DOCK3: variants seen among roughly 807,000 people sequenced by gnomAD.
DOCK3 encodes dedicator of cytokinesis 3.
A neutral mutation model predicts 265.6 loss-of-function variants in DOCK3; 60 were observed. The ratio of observed to expected loss-of-function variants is 0.23; its 90% confidence interval spans 0.18 to 0.28. DOCK3 has a LOEUF of 0.28. DOCK3 is among the 10% of genes least tolerant of loss of function. DOCK3 has a pLI of 1.00. For synonymous variants in DOCK3, 881 were observed against 938.0 expected (o/e 0.94, Z 1.11); for missense variants, 1,981 against 2,594.3 (o/e 0.76, Z 5.14).
rs1329224770 is a variant in DOCK3, at chr3:51,064,520, C to G, written c.388C>G (p.Leu130Val). 6.2e-7 allele frequency: 1 copy of G among 1,614,032 alleles called. No individual in the cohort carries two copies. The change falls in exon 6 of 53, where the codon CTG becomes GTG. Residue 130 changes from leucine to valine, a missense_variant. By Grantham distance (32) the Leu-to-Val change is conservative. Coordinates refer to ENST00000266037, the MANE Select transcript of DOCK3 (RefSeq NM_004947.5). ...NELIDLRRQL[L>V]SGHLTQDQVR... ...ACTTATTGACCTGCGAAGGCAGCTA[C>G]TGTCTGGTCACCTGACTCAGGATCA...
chr3:51,093,754 AAGG>A (rs1367032482), intron 9 of DOCK3, among the ~76,000 whole-genome samples: 1 of 152,232 alleles, frequency 6.6e-6, no homozygotes, highest in Non-Finnish European at 1.5e-5. Context: ...CCAGTTTTCA[AAGG>A]GAATGCTTCC....
At chr3:51,275,462 G>A (rs570235126) in intron 25 of DOCK3, among the ~76,000 whole-genome samples, 27 of 152,262 alleles carry the variant, frequency 1.8e-4, no homozygotes, top group Admixed American at 1.6e-3. Flanking sequence ...GTACCACAAA[G>A]CCCAATTCTG....
intron 1 of DOCK3, among the ~76,000 whole-genome samples, chr3:50,708,228 A>G (rs1303236925): frequency 6.6e-6 from 1 of 152,040 alleles, no homozygotes; most frequent in East Asian, 1.9e-4. Flanking sequence ...GCCCTTGGGA[A>G]TCCTGCTGCT....
intron 2 of DOCK3, among the ~76,000 whole-genome samples, chr3:50,791,254 C>G (rs974080613): frequency 1.3e-4 from 17 of 128,096 alleles, no homozygotes; most frequent in Non-Finnish European, 2.6e-4. Context: ...AGTGTTAAAT[C>G]TATCTTTTTT....
At chr3:51,054,558 C>G (rs935771584) in intron 5 of DOCK3, among the ~76,000 whole-genome samples, 3 of 152,152 alleles carry the variant, frequency 2.0e-5, no homozygotes, top group Non-Finnish European at 2.9e-5. Context: ...TTTCCCTCCT[C>G]TTTGTTTTCA....
At chr3:50,966,835 G>T (rs1292409979) in intron 5 of DOCK3, among the ~76,000 whole-genome samples, 3 of 152,034 alleles carry the variant, frequency 2.0e-5, no homozygotes, top group Non-Finnish European at 4.4e-5. Context: ...ACAAGCCCAG[G>T]TTGGAAACAA....
intron 21 of DOCK3, among the ~76,000 whole-genome samples, chr3:51,244,200 T>G (rs1205946223): frequency 7.0e-6 from 1 of 141,962 alleles, no homozygotes; most frequent in Non-Finnish European, 1.5e-5. Flanking sequence ...TCACTTGTGA[T>G]TCCATATTAG....
chr3:50,832,789 G>A (rs1457647339), intron 2 of DOCK3, among the ~76,000 whole-genome samples: 1 of 152,116 alleles, frequency 6.6e-6, no homozygotes, highest in Admixed American at 6.5e-5. Context: ...GCTGAATAGG[G>A]GTGGTGATAT....
At chr3:50,937,603 C>T (rs972869457) in intron 5 of DOCK3, among the ~76,000 whole-genome samples, 3 of 152,084 alleles carry the variant, frequency 2.0e-5, no homozygotes, top group African/African-American at 7.2e-5. Flanking sequence ...TTGCAGTGAG[C>T]AGAGATGACG....
chr3:51,146,569 T>A lies in DOCK3; in HGVS notation c.767T>A (p.Leu256Gln). Residue 256 changes from leucine to glutamine, a missense_variant, in exon 10 of 53, where the codon CTG becomes CAG. This residue lies in a region of DOCK3 where 456 missense variants were observed against 539.0 expected (regional missense o/e 0.85). Transcript: ENST00000266037. The part of the protein sequence containing the change: ...KQISERFLVR[L>Q]NKNGGPRNPE... ...TTCAGTGAGCGGTTTCTGGTAAGAC[T>A]GAACAAGAATGGTGGGCCGAGGAAC... 1.9e-6 allele frequency: 3 copies of A among 1,597,764 alleles called. No individual in the cohort carries two copies. Among genetic ancestry groups the A allele is most frequent in the Non-Finnish European group, 1.7e-6 (2 of 1,171,584 alleles).
intron 12 of DOCK3, among the ~76,000 whole-genome samples, chr3:51,196,553 T>C (rs1399214122): frequency 1.3e-5 from 2 of 152,196 alleles, no homozygotes; most frequent in Non-Finnish European, 2.9e-5. Flanking sequence ...TATTTAATTG[T>C]CACAAAGGCT....
intron 23 of DOCK3, among the ~76,000 whole-genome samples, chr3:51,266,961 G>T (rs62257500): frequency 1.4e-3 from 220 of 152,026 alleles, no homozygotes; most frequent in Non-Finnish European, 2.5e-3. Context: ...AATCTACAAA[G>T]AACTTAAACA....
chr3:50,693,620 C>T (rs1321726291), intron 1 of DOCK3, among the ~76,000 whole-genome samples: 2 of 140,166 alleles, frequency 1.4e-5, no homozygotes, highest in Non-Finnish European at 3.0e-5. Flanking sequence ...ACTGCAACCT[C>T]TACCTCCTGT....
At chr3:50,778,190 G>T (rs982150708) in intron 1 of DOCK3, among the ~76,000 whole-genome samples, 1 of 151,930 alleles carries the variant, frequency 6.6e-6, no homozygotes, top group African/African-American at 2.4e-5. Context: ...TTTTTCTGTT[G>T]TGCATATGCT....
intron 12 of DOCK3, among the ~76,000 whole-genome samples, chr3:51,190,673 G>A (rs552261595): frequency 6.6e-6 from 1 of 152,330 alleles, no homozygotes; most frequent in South Asian, 2.1e-4. Flanking sequence ...GTAGCAGTGG[G>A]ATTTGTGCTT....
At chr3:50,882,251 C>A (rs1387359101) in intron 3 of DOCK3, among the ~76,000 whole-genome samples, 2 of 152,084 alleles carry the variant, frequency 1.3e-5, no homozygotes, top group African/African-American at 4.8e-5. Context: ...GCAACAAAAG[C>A]CAAAATAGAC....
intron 9 of DOCK3, among the ~76,000 whole-genome samples, chr3:51,107,325 A>T (rs2083321258): frequency 6.6e-6 from 1 of 152,234 alleles, no homozygotes; most frequent in African/African-American, 2.4e-5. Context: ...AAACAATTGC[A>T]ACAGTTCTCC....
chr3:51,079,551 C>A (rs1184956919), intron 7 of DOCK3, among the ~76,000 whole-genome samples: 1 of 151,750 alleles, frequency 6.6e-6, no homozygotes, highest in Admixed American at 6.6e-5. Flanking sequence ...TGAGATTTCG[C>A]CATGTTGCCC....
At chr3:51,252,845 AC>A (rs2108667834) in intron 22 of DOCK3, among the ~76,000 whole-genome samples, 1 of 152,190 alleles carries the variant, frequency 6.6e-6, no homozygotes, top group African/African-American at 2.4e-5. Context: ...CTAATTCAAT[AC>A]CCTTTATTTC....
Sources: gnomAD v4.1 joint callset for allele counts (sites outside exome capture counted in the v4.1 genomes callset) on GRCh38, gnomAD v4.1.1 for gene constraint, gnomAD v4.1.1 regional missense constraint, MANE v1.5 for transcripts, NCBI Gene and HGNC (gene_info 2026-07-23, HGNC 2026-07-21) for gene names.